The following SPAG16 variants were observed in gnomAD, a reference collection of about 807,000 sequenced individuals.
SPAG16 encodes the protein sperm-associated antigen 16 protein.
SPAG16 carries 86 observed loss-of-function variants against 80.4 expected under a neutral mutation model. The ratio of observed to expected loss-of-function variants is 1.07; its 90% CI spans 0.90 to 1.28. The LOEUF (loss-of-function observed/expected upper bound fraction) is 1.28, where lower values mean the gene tolerates loss of function less well. SPAG16 is among the 50% of genes most tolerant of loss of function. The pLI is 0.00. For missense variants in SPAG16, 870 were observed against 765.3 expected (o/e 1.14, Z -1.61); for synonymous variants, 294 against 265.9 (o/e 1.11, Z -1.03).
At chr2:213,481,459 A>G (rs947671403) in intron 9 of SPAG16, among the ~76,000 whole-genome samples, 2 of 152,230 alleles carry the variant, frequency 1.3e-5, no homozygotes, top group African/African-American at 2.4e-5. Context: ...TGTTATAACC[A>G]TTTATCACAA....
chr2:213,399,748 A>C (rs1051816653), intron 9 of SPAG16, among the ~76,000 whole-genome samples: 1 of 151,996 alleles, frequency 6.6e-6, no homozygotes, highest in East Asian at 1.9e-4. Flanking sequence ...GTATGGTAGA[A>C]GTCTTCTGTA....
chr2:213,562,085 T>C (rs1221531934), intron 10 of SPAG16, among the ~76,000 whole-genome samples: 1 of 152,234 alleles, frequency 6.6e-6, no homozygotes, highest in Non-Finnish European at 1.5e-5. Flanking sequence ...TTTGCTTTCA[T>C]ATTAGATTGG....
At chr2:214,234,003 A>C (rs1175699228) in intron 15 of SPAG16, among the ~76,000 whole-genome samples, 2 of 152,050 alleles carry the variant, frequency 1.3e-5, no homozygotes, top group Non-Finnish European at 2.9e-5. Flanking sequence ...CCCAGCATCC[A>C]TTAACTATTC....
intron 13 of SPAG16, among the ~76,000 whole-genome samples, chr2:214,025,664 A>G (rs1160139562): frequency 6.6e-6 from 1 of 151,620 alleles, no homozygotes; most frequent in Non-Finnish European, 1.5e-5. Context: ...CTCTTGTTAT[A>G]TAGATTTATA....
intron 10 of SPAG16, among the ~76,000 whole-genome samples, chr2:213,684,796 C>T (rs938304545): frequency 3.9e-5 from 6 of 152,136 alleles, no homozygotes; most frequent in African/African-American, 1.4e-4. Flanking sequence ...TCCCTGAACT[C>T]TGCAATGTAA....
chr2:214,231,261 G>C (rs1332786927), intron 15 of SPAG16, among the ~76,000 whole-genome samples: 1 of 151,980 alleles, frequency 6.6e-6, no homozygotes, highest in Non-Finnish European at 1.5e-5. Context: ...AGGTAGACAA[G>C]TCAATCTAGA....
intron 11 of SPAG16, among the ~76,000 whole-genome samples, chr2:213,913,029 G>A (rs568834291): frequency 8.6e-5 from 13 of 151,990 alleles, no homozygotes; most frequent in African/African-American, 2.9e-4. Context: ...GGCACTATCT[G>A]TTTTTCTAAA....
At chr2:214,059,218 ATGTG>A (rs1210800057) in intron 13 of SPAG16, among the ~76,000 whole-genome samples, 879 of 80,394 alleles carry the variant, frequency 0.011, 13 homozygotes, top group African/African-American at 0.038. Context: ...ATATATATGT[ATGTG>A]TATATATATA....
At chr2:213,573,786 A>G (rs2060014238) in intron 10 of SPAG16, among the ~76,000 whole-genome samples, 1 of 152,172 alleles carries the variant, frequency 6.6e-6, no homozygotes, top group African/African-American at 2.4e-5. Flanking sequence ...AGATTTGATA[A>G]TTTTCTAAGC....
At chr2:213,496,677 G>T (rs2074502567) in intron 10 of SPAG16, among the ~76,000 whole-genome samples, 1 of 150,814 alleles carries the variant, frequency 6.6e-6, no homozygotes, top group Non-Finnish European at 1.5e-5. Context: ...TAAGTATAAA[G>T]CTTAAGTACT....
rs2125936120 is a variant in SPAG16, at chr2:214,293,868, G to A, written c.1721-116272G>A. 2.0e-5 allele frequency among the ~76,000 whole-genome samples: 3 copies of A among 152,318 alleles called. No individual in the cohort carries two copies. The Middle Eastern group carries it at 0.01, about 518-fold the overall frequency. ...GTACCAGCTATGGGCCTACAACCAGGGAAGGTGGGGCCACTCTCAATGACA... is the reference window on the plus strand; with the variant it reads ...GTACCAGCTATGGGCCTACAACCAGAGAAGGTGGGGCCACTCTCAATGACA... On this transcript the variant is annotated intron_variant, in intron 15 of 15. Coordinates refer to ENST00000331683, the MANE Select transcript of SPAG16 (RefSeq NM_024532.5).
At chr2:213,949,413 C>T (rs1229935516) in intron 12 of SPAG16, among the ~76,000 whole-genome samples, 4 of 151,936 alleles carry the variant, frequency 2.6e-5, no homozygotes, top group East Asian at 3.9e-4. Flanking sequence ...GTGATCTACC[C>T]GCCTCGGCCT....
At chr2:214,028,197 C>G (rs1403311689) in intron 13 of SPAG16, among the ~76,000 whole-genome samples, 1 of 151,848 alleles carries the variant, frequency 6.6e-6, no homozygotes, top group African/African-American at 2.4e-5. Flanking sequence ...ATTTGTGTAT[C>G]TGATTATAGG....
At chr2:214,180,501 T>A (rs2057276797) in intron 15 of SPAG16, among the ~76,000 whole-genome samples, 2 of 151,654 alleles carry the variant, frequency 1.3e-5, no homozygotes, top group African/African-American at 2.4e-5. Flanking sequence ...TTCAATAAGC[T>A]ATAAATAGAT....
intron 10 of SPAG16, among the ~76,000 whole-genome samples, chr2:213,803,622 C>T (rs920257034): frequency 1.1e-4 from 17 of 152,170 alleles, no homozygotes; most frequent in South Asian, 2.1e-4. Flanking sequence ...AATCCAGAGC[C>T]GCGAGGTGTT....
At chr2:214,099,271 A>C (rs997821045) in intron 13 of SPAG16, among the ~76,000 whole-genome samples, 11 of 152,266 alleles carry the variant, frequency 7.2e-5, no homozygotes, top group African/African-American at 2.2e-4. Flanking sequence ...CAAGGAATAG[A>C]GAAAAAGCTA....
chr2:213,735,584 A>C (rs1334083730), intron 10 of SPAG16, among the ~76,000 whole-genome samples: 2 of 152,134 alleles, frequency 1.3e-5, no homozygotes, highest in African/African-American at 4.8e-5. Flanking sequence ...GATAAGGGAA[A>C]ATTGCAAAAT....
intron 12 of SPAG16, among the ~76,000 whole-genome samples, chr2:213,996,460 C>T (rs1324540088): frequency 6.6e-6 from 1 of 151,908 alleles, no homozygotes; most frequent in Non-Finnish European, 1.5e-5. Flanking sequence ...AATGTAGCCA[C>T]TGTACTCAGT....
At chr2:214,022,671 A>G (rs1261096732) in intron 13 of SPAG16, among the ~76,000 whole-genome samples, 1 of 151,704 alleles carries the variant, frequency 6.6e-6, no homozygotes, top group Non-Finnish European at 1.5e-5. Context: ...AAAGGAAGTG[A>G]GGGAACAATG....
Sources: gnomAD v4.1 joint callset for allele counts (sites outside exome capture counted in the v4.1 genomes callset) on GRCh38, gnomAD v4.1.1 for gene constraint, MANE v1.5 for transcripts, NCBI Gene and HGNC (gene_info 2026-07-23, HGNC 2026-07-21) for gene names.